The following COL27A1 variants were observed in gnomAD, a reference collection of about 807,000 sequenced individuals.
COL27A1 encodes the protein collagen type XXVII alpha 1 chain, also known as collagen alpha-1(XXVII) chain.
Under a neutral mutation model 251.3 loss-of-function variants are expected in COL27A1, and 106 were observed. The ratio of observed to expected loss-of-function variants is 0.42; its 90% confidence interval spans 0.36 to 0.50. The LOEUF is 0.50. Among genes scored for constraint, COL27A1 ranks in the 20% least tolerant of loss-of-function variants. The pLI, the probability that COL27A1 is intolerant of heterozygous loss-of-function variation, is 0.00. For missense variants in COL27A1, 2,325 were observed against 2,522.8 expected (o/e 0.92, Z 1.68); for synonymous variants, 1,000 against 986.3 (o/e 1.01, Z -0.26).
chr9:114,264,279 C>A, intron 28 of COL27A1, 76 bp from the exon 29 acceptor site: 1 of 1,208,124 alleles, frequency 8.3e-7, no homozygotes, highest in Non-Finnish European at 1.1e-6. Context: ...AGGCTTGGAG[C>A]AGCCCCGCCC....
Position 114,309,245 on chromosome 9 carries a change from G to T in COL27A1, c.5218-15G>T, listed in dbSNP as rs778106434. The T allele has an allele frequency of 1.1e-5, 17 of 1,613,058 alleles. No homozygotes were observed. The South Asian group carries it at 1.6e-4, about 16-fold the overall frequency. ...GGGGCAGCCTGAGCCGCTCACTGCC[G>T]TTGCTTCTCTATAGGTCGAGTTTGC... On this transcript the variant is annotated splice_polypyrimidine_tract_variant and intron_variant, in intron 59 of 60. Transcript: ENST00000356083.
chr9:114,260,819 G>A (rs911739967), intron 28 of COL27A1, among the ~76,000 whole-genome samples: 5 of 152,110 alleles, frequency 3.3e-5, no homozygotes, highest in African/African-American at 1.2e-4. Flanking sequence ...ACCCCAGGCC[G>A]GTTTCTTAAC....
intron 36 of COL27A1, among the ~76,000 whole-genome samples, chr9:114,275,299 G>C (rs546102794): frequency 6.6e-6 from 1 of 151,990 alleles, no homozygotes; most frequent in Admixed American, 6.6e-5. Context: ...TAAGACTCTT[G>C]TTCTCCCAAT....
At chr9:114,197,572 G>C (rs1331352279) in intron 7 of COL27A1, among the ~76,000 whole-genome samples, 1 of 152,200 alleles carries the variant, frequency 6.6e-6, no homozygotes, top group Non-Finnish European at 1.5e-5. Context: ...CTGCATGGGG[G>C]TGGCAGCCTA....
intron 37 of COL27A1, among the ~76,000 whole-genome samples, chr9:114,280,876 G>A (rs1448008169): frequency 1.3e-5 from 2 of 152,198 alleles, no homozygotes; most frequent in Non-Finnish European, 2.9e-5. Context: ...ATCAAAGCCA[G>A]CCGCCCCATA....
At position 114,301,837 on chromosome 9, in the gene COL27A1, C is replaced by T. The variant is rs1365111297; in HGVS notation, c.4845+120C>T. On this transcript the variant is annotated intron_variant, in intron 55 of 60. Coordinates refer to ENST00000356083, the MANE Select transcript of COL27A1 (RefSeq NM_032888.4). Reference sequence around the variant, plus strand: ...ACCCCACAGGGGTTCTTGTAGCCCACAGACTCCTAGGAGAGTATAGGGCAT... The same window carrying T: ...ACCCCACAGGGGTTCTTGTAGCCCATAGACTCCTAGGAGAGTATAGGGCAT... 8.6e-6 allele frequency: 9 copies of T among 1,043,472 alleles called. No homozygotes were observed. In the East Asian group the frequency reaches 1.5e-4, roughly 17 times the overall value. 64.6% of individuals were successfully genotyped at this position (1,043,472 alleles called of 1,614,324 possible). A position where few individuals can be genotyped will look rare whatever the true frequency, so the allele number is the denominator to read the frequency against.
At position 114,155,853 on chromosome 9, in the gene COL27A1, C is replaced by A. The variant is rs1848084135; in HGVS notation, c.-98C>A. The stretch of plus-strand genomic sequence containing the variant: ...GCTGGGGGCGCGGGGGCCGCGCGCT[C>A]TAAGCCGGCCTGGCGCGGCGGGGCG... On this transcript the variant is annotated 5_prime_UTR_variant, in exon 1 of 61. Coordinates refer to ENST00000356083, the MANE Select transcript of COL27A1 (RefSeq NM_032888.4). The surrounding 1 kb of genome is among the most constrained non-coding windows in gnomAD (Gnocchi z 5.5). 1.0e-6 allele frequency: 1 copy of A among 976,692 alleles called. No homozygotes were observed. 60.5% of individuals were successfully genotyped at this position (976,692 alleles called of 1,614,324 possible). A position where few individuals can be genotyped will look rare whatever the true frequency, so the allele number is the denominator to read the frequency against.
At chr9:114,157,635 A>G (rs1003802232) in intron 1 of COL27A1, among the ~76,000 whole-genome samples, 1 of 152,162 alleles carries the variant, frequency 6.6e-6, no homozygotes, top group African/African-American at 2.4e-5. Context: ...TGATACCCAC[A>G]TGCCTGGCTT....
intron 5 of COL27A1, among the ~76,000 whole-genome samples, chr9:114,192,748 T>G (rs1828831518): frequency 6.6e-6 from 1 of 152,056 alleles, no homozygotes; most frequent in Non-Finnish European, 1.5e-5. Flanking sequence ...GTGCACAGAG[T>G]GGGGCTAGCT....
At chr9:114,300,594 G>C (rs938413848) in intron 50 of COL27A1, 31 bp from the exon 51 acceptor site, 3 of 1,527,364 alleles carry the variant, frequency 2.0e-6, no homozygotes, top group African/African-American at 1.4e-5. Context: ...TGGCTGCCAA[G>C]TACAGACAGC....
chr9:114,245,148 G>GTTTTTTTTT (rs779029948), intron 23 of COL27A1, among the ~76,000 whole-genome samples: 2 of 101,334 alleles, frequency 2.0e-5, no homozygotes, highest in Non-Finnish European at 2.0e-5. Flanking sequence ...GTGCATTCTT[G>GTTTTTTTTT]TTTTTTTTTT....
In COL27A1 at chr9:114,312,246, C is replaced by G. The variant is rs534567418; in HGVS notation, c.*1551C>G. 7 of 152,288 alleles carry G rather than the reference C, an allele frequency of 4.6e-5. No individual in the cohort carries two copies. The highest frequency in any genetic ancestry group is 2.1e-4 in the South Asian group (1 of 4,828). The allele number at this position is 152,288 out of a possible 1,614,324, so 9.4% of individuals were successfully genotyped here. On this transcript the variant is annotated 3_prime_UTR_variant, in exon 61 of 61. Coordinates refer to ENST00000356083, the MANE Select transcript of COL27A1 (RefSeq NM_032888.4). ...TAATACCTCACTTTGGCCCGTCCCCCCTCCCAACACTTCTGTATCCTCGCC... is the reference window on the plus strand; with the variant it reads ...TAATACCTCACTTTGGCCCGTCCCCGCTCCCAACACTTCTGTATCCTCGCC...
chr9:114,228,976 C>T (rs989601310), intron 14 of COL27A1, among the ~76,000 whole-genome samples: 4 of 152,170 alleles, frequency 2.6e-5, no homozygotes, highest in East Asian at 1.9e-4. Context: ...CATGCATCAC[C>T]ATGTCCAGCT....
intron 36 of COL27A1, chr9:114,273,842 C>G (rs1835313343): frequency 6.6e-6 from 1 of 152,392 alleles, no homozygotes; most frequent in South Asian, 2.1e-4. Flanking sequence ...TCCTGCATGC[C>G]CCATCCTGGA....
At position 114,256,128 on chromosome 9, in the gene COL27A1, T is replaced by C. The variant is rs534916089; in HGVS notation, c.3142-2413T>C. On this transcript the variant is annotated intron_variant, in intron 27 of 60. Transcript: ENST00000356083. ...TCTGGTGATATTGTTCACACCTGAT[T>C]GGCATTTTCCCACTTTATCAATCAC... 8.6e-4 allele frequency among the ~76,000 whole-genome samples: 131 copies of C among 152,336 alleles called. 1 individual carries two copies. Among genetic ancestry groups the C allele is most frequent in the African/African-American group, 3.1e-3 (127 of 41,568 alleles).
At chr9:114,209,430 C>G (rs764389643) in intron 10 of COL27A1, 1 of 760,380 alleles carries the variant, frequency 1.3e-6, no homozygotes, top group South Asian at 1.4e-5. Context: ...AGCGCCTGCG[C>G]CCTTCCCTGG....
rs529885491 is a variant in COL27A1, at chr9:114,291,001, C to T, written c.4476+84C>T. On this transcript the variant is annotated intron_variant, in intron 48 of 60. Transcript: ENST00000356083. ...CTAGTGGTTCCGACCCTTTGGGCAC[C>T]CATGTCCCAGGGCCTGTGTGAAAAT... 7.2e-6 allele frequency: 7 copies of T among 975,436 alleles called. No homozygotes were observed. In the East Asian group the frequency reaches 1.6e-4, roughly 23 times the overall value. The allele number at this position is 975,436 out of a possible 1,614,324, so 60.4% of individuals were successfully genotyped here. A position where few individuals can be genotyped will look rare whatever the true frequency, so the allele number is the denominator to read the frequency against.
chr9:114,304,676 ATCTCCAGGGGCTC>A lies in COL27A1; in HGVS notation c.4938+6_4938+18del. Reference sequence around the variant, plus strand: ...CCAGTGGAGCACTCAGGCCAGAGGTATCTCCAGGGGCTCTCCCCATGTGGGATCCCTTCCTGGG... The same window carrying A: ...CCAGTGGAGCACTCAGGCCAGAGGTATCCCCATGTGGGATCCCTTCCTGGG... On this transcript the variant is annotated splice_donor_5th_base_variant and intron_variant, in intron 57 of 60. Coordinates refer to ENST00000356083, the MANE Select transcript of COL27A1 (RefSeq NM_032888.4). The A allele has an allele frequency of 6.2e-7, 1 of 1,613,704 alleles. No individual in the cohort carries two copies. The highest frequency in any genetic ancestry group is 2.2e-5 in the East Asian group (1 of 44,888).
At chr9:114,308,311 T>C (rs1334643412) in intron 59 of COL27A1, among the ~76,000 whole-genome samples, 5 of 152,214 alleles carry the variant, frequency 3.3e-5, no homozygotes, top group African/African-American at 7.2e-5. Context: ...ATTGTGGGTC[T>C]GTAGTTCCAC....
Sources: allele counts gnomAD v4.1 joint callset (sites outside exome capture counted in the v4.1 genomes callset), GRCh38; gene constraint gnomAD v4.1.1; non-coding constraint Gnocchi (gnomAD v3.1); transcripts MANE v1.5; gene names NCBI Gene and HGNC (gene_info 2026-07-23, HGNC 2026-07-21).